LRBA: variants seen among roughly 807,000 people sequenced by gnomAD.
LRBA encodes the protein LPS responsive beige-like anchor protein.
In LRBA, 176 loss-of-function variants were observed where a neutral mutation model predicts 330.0. The observed-to-expected ratio is 0.53, with a 90% CI of 0.47 to 0.60. The LOEUF is 0.60. LRBA is among the 20% of genes least tolerant of loss of function. The probability of loss-of-function intolerance (pLI) is 0.00; values close to 1 mark genes in which losing one functional copy is unlikely to be tolerated. For missense variants in LRBA, 3,259 were observed against 3,444.8 expected (o/e 0.95, Z 1.35); for synonymous variants, 1,230 against 1,193.0 (o/e 1.03, Z -0.64).
In LRBA at chr4:150,828,237, A is replaced by C. The variant is rs920037636; in HGVS notation, c.5114T>G (p.Leu1705Arg). 17 of 1,614,176 alleles carry C rather than the reference A, an allele frequency of 1.1e-5. No individual in the cohort carries two copies. The highest frequency in any genetic ancestry group is 1.4e-5 in the Non-Finnish European group (17 of 1,179,996). ...VDPALLPPAC[L>R]GALGDLSVEQ... is the part of the protein sequence containing the mutation. Reference sequence around the variant, plus strand: ...CACAGATAGATCACCAAGGGCTCCAAGGCAGGCTGGTGGCAGAAGGGCAGG... The same window carrying C: ...CACAGATAGATCACCAAGGGCTCCACGGCAGGCTGGTGGCAGAAGGGCAGG... Residue 1705 changes from leucine (L) to arginine (R), a missense_variant, in exon 30 of 57, where the codon CTT becomes CGT. Coordinates refer to ENST00000651943, the MANE Select transcript of LRBA (RefSeq NM_001364905.1).
At chr4:150,452,517 G>T (rs1307330057) in intron 44 of LRBA, among the ~76,000 whole-genome samples, 1 of 151,910 alleles carries the variant, frequency 6.6e-6, no homozygotes, top group African/African-American at 2.4e-5. Flanking sequence ...AGCTACTCGG[G>T]AGGCTGAGGC....
rs1554058387 is a variant in LRBA at position 150,577,420 on chromosome 4, T to TTA, written c.6330+10627_6330+10628insTA. On this transcript the variant is annotated intron_variant, in intron 40 of 56. Transcript: ENST00000651943. Reference sequence around the variant, plus strand: ...AAATAAAAATCAATGTTCATTTTTTTAAAAAAAAAAAGCATTTTCATAAGT... The same window carrying TTA: ...AAATAAAAATCAATGTTCATTTTTTTTAAAAAAAAAAAAGCATTTTCATAAGT... Among the ~76,000 whole-genome samples the TTA allele has an allele frequency of 9.5e-4, 141 of 148,952 alleles. 1 individual carries two copies. The highest frequency in any genetic ancestry group is 6.2e-3 in the East Asian group (32 of 5,122).
chr4:150,760,838 A>C (rs1359792075), intron 35 of LRBA, among the ~76,000 whole-genome samples: 1 of 152,190 alleles, frequency 6.6e-6, no homozygotes, highest in Non-Finnish European at 1.5e-5. Context: ...GTCTGTGAGC[A>C]CCTGTAATTA....
At chr4:150,670,908 A>G (rs1222453425) in intron 37 of LRBA, among the ~76,000 whole-genome samples, 1 of 151,946 alleles carries the variant, frequency 6.6e-6, no homozygotes, top group Non-Finnish European at 1.5e-5. Flanking sequence ...GGAATTTTAG[A>G]TTCATTATCT....
intron 51 of LRBA, 21 bp from the exon 52 acceptor site, chr4:150,310,405 A>C (rs1730908736): frequency 1.9e-6 from 3 of 1,596,912 alleles, no homozygotes; most frequent in Non-Finnish European, 8.6e-7. Context: ...AGGGAGGAAA[A>C]ACAACTATTA....
chr4:150,547,551 C>A lies in LRBA; in HGVS notation c.6330+40497G>T, dbSNP rs139108252. Among the ~76,000 whole-genome samples, 50 of 152,242 alleles carry A rather than the reference C, an allele frequency of 3.3e-4. No homozygotes were observed. In the East Asian group the frequency reaches 9.5e-3, roughly 29 times the overall value. On this transcript the variant is annotated intron_variant, in intron 40 of 56. Coordinates refer to ENST00000651943, the MANE Select transcript of LRBA (RefSeq NM_001364905.1). ...TTATCTCCTTAATTTTCTCCGCTTT[C>A]CCTCACATTCCCTCTTGCTATCTGG...
intron 8 of LRBA, among the ~76,000 whole-genome samples, chr4:150,915,280 T>C (rs1001627109): frequency 6.6e-6 from 1 of 152,146 alleles, no homozygotes; most frequent in African/African-American, 2.4e-5. Flanking sequence ...TTTATAAGCA[T>C]GCATCATTTA....
chr4:150,930,530 T>G (rs1243108104), intron 2 of LRBA, among the ~76,000 whole-genome samples: 2 of 152,048 alleles, frequency 1.3e-5, no homozygotes, highest in African/African-American at 4.8e-5. Context: ...CAATGGCTCT[T>G]ATAAAGAATA....
intron 47 of LRBA, among the ~76,000 whole-genome samples, chr4:150,395,987 T>C (rs903628960): frequency 2.6e-5 from 4 of 152,216 alleles, no homozygotes; most frequent in Admixed American, 2.6e-4. Flanking sequence ...GATGATTAAT[T>C]TTGTGTCAAC....
rs75851066 is a variant in LRBA at position 150,864,989 on chromosome 4, T to C, written c.2766+2682A>G. On this transcript the variant is annotated intron_variant, in intron 22 of 56. Coordinates refer to ENST00000651943, the MANE Select transcript of LRBA (RefSeq NM_001364905.1). ...TTAACAACGATTGCTTTAAAGTTTA[T>C]ACTCCTCCAGCCATCTTTCCTAAGG... 7.0e-3 allele frequency among the ~76,000 whole-genome samples: 1,068 copies of C among 152,260 alleles called. 10 individuals carry two copies. The highest frequency in any genetic ancestry group is 0.025 in the African/African-American group (1,043 of 41,556).
chr4:151,013,334 A>G (rs1359262640), intron 2 of LRBA: 2 of 152,210 alleles, frequency 1.3e-5, no homozygotes, highest in African/African-American at 2.4e-5. Context: ...TTGATGGGCA[A>G]GAGAGGCTGG....
In LRBA at chr4:150,742,876, C is replaced by A. The variant is rs577911913; in HGVS notation, c.5646-7510G>T. On this transcript the variant is annotated intron_variant, in intron 35 of 56. Coordinates refer to ENST00000651943, the MANE Select transcript of LRBA (RefSeq NM_001364905.1). ...TGGCATCACTGCACTGCAGCCAGGG[C>A]GACAAAGTAAGAACCTGTCTCAAAA... is the stretch of plus-strand genomic sequence containing the variant. Among the ~76,000 whole-genome samples the A allele has an allele frequency of 2.0e-5, 3 of 152,008 alleles. No individual in the cohort carries two copies. The East Asian group carries it at 5.8e-4, about 29-fold the overall frequency.
chr4:150,562,385 C>T (rs1001055886), intron 40 of LRBA, among the ~76,000 whole-genome samples: 1 of 152,114 alleles, frequency 6.6e-6, no homozygotes, highest in Non-Finnish European at 1.5e-5. Flanking sequence ...GGGACAGCAG[C>T]AGGAATAATG....
At chr4:150,740,086 A>G (rs1731748656) in intron 35 of LRBA, among the ~76,000 whole-genome samples, 1 of 152,168 alleles carries the variant, frequency 6.6e-6, no homozygotes, top group Admixed American at 6.6e-5. Context: ...TAAAGAATGC[A>G]CCTCTGAAAA....
At chr4:150,657,571 T>C (rs1025623080) in intron 37 of LRBA, among the ~76,000 whole-genome samples, 1 of 152,018 alleles carries the variant, frequency 6.6e-6, no homozygotes, top group Admixed American at 6.5e-5. Context: ...CATTTACCAT[T>C]GTATTTATAT....
At chr4:150,713,681 C>T (rs1197716012) in intron 36 of LRBA, among the ~76,000 whole-genome samples, 3 of 152,108 alleles carry the variant, frequency 2.0e-5, no homozygotes, top group Non-Finnish European at 4.4e-5. Flanking sequence ...GTGGCCTATC[C>T]CTGTTCACAG....
At chr4:150,358,547 A>G (rs1408442205) in intron 47 of LRBA, among the ~76,000 whole-genome samples, 1 of 152,174 alleles carries the variant, frequency 6.6e-6, no homozygotes, top group Non-Finnish European at 1.5e-5. Context: ...AAAAATTAGT[A>G]AAGTATCCCT....
chr4:150,544,987 G>A (rs1487758773), intron 40 of LRBA, among the ~76,000 whole-genome samples: 1 of 152,040 alleles, frequency 6.6e-6, no homozygotes, highest in Non-Finnish European at 1.5e-5. Context: ...AGATTGTATC[G>A]CCTGTTACCT....
intron 40 of LRBA, among the ~76,000 whole-genome samples, chr4:150,568,494 T>A (rs1381617545): frequency 6.6e-6 from 1 of 152,172 alleles, no homozygotes; most frequent in Non-Finnish European, 1.5e-5. Context: ...CTCCACTGTC[T>A]AGCAGGCAGC....
Sources: allele counts gnomAD v4.1 joint callset (sites outside exome capture counted in the v4.1 genomes callset), GRCh38; gene constraint gnomAD v4.1.1; transcripts MANE v1.5; gene names NCBI Gene and HGNC (gene_info 2026-07-23, HGNC 2026-07-21).